Variants in TCERG1L observed in about 807,000 individuals in gnomAD.
TCERG1L encodes the protein transcription elongation regulator 1-like protein.
Under a neutral mutation model 56.3 loss-of-function variants are expected in TCERG1L, and 37 were observed. The ratio of observed to expected loss-of-function variants is 0.66; its 90% CI spans 0.51 to 0.87. TCERG1L has a LOEUF of 0.87. TCERG1L is among the 40% of genes least tolerant of loss of function. The pLI, the probability that TCERG1L is intolerant of heterozygous loss-of-function variation, is 0.00. For missense variants in TCERG1L, 799 were observed against 774.2 expected, an observed-to-expected ratio of 1.03 and a Z score of -0.38; for synonymous variants, 324 against 326.3, an observed-to-expected ratio of 0.99 and a Z score of 0.08.
intron 3 of TCERG1L, among the ~76,000 whole-genome samples, chr10:131,300,332 C>T (rs187330585): frequency 3.9e-5 from 6 of 152,234 alleles, no homozygotes; most frequent in African/African-American, 1.2e-4. Context: ...CTATCTTCTA[C>T]GTATTCTCTC....
chr10:131,258,827 T>TG lies in TCERG1L; in HGVS notation c.856+1431dup, dbSNP rs201054123. On this transcript the variant is annotated intron_variant, in intron 4 of 11. Transcript: ENST00000368642. The stretch of plus-strand genomic sequence containing the variant: ...AATTGTTATGTCACCTTATAAATCA[T>TG]GTCAGAGATATGGAAAGTGAAGCTG... Among the ~76,000 whole-genome samples the TG allele has an allele frequency of 5.8e-3, 889 of 152,332 alleles. 6 individuals are homozygous for TG. The highest frequency in any genetic ancestry group is 0.02 in the Middle Eastern group (6 of 294).
chr10:131,266,361 T>C (rs566178073), intron 3 of TCERG1L, among the ~76,000 whole-genome samples: 2 of 152,368 alleles, frequency 1.3e-5, no homozygotes, highest in South Asian at 2.1e-4. Flanking sequence ...CCTCTTCCTA[T>C]GAATTATGAA....
chr10:131,153,800 G>C (rs1470480733), intron 6 of TCERG1L, among the ~76,000 whole-genome samples: 1 of 152,154 alleles, frequency 6.6e-6, no homozygotes, highest in East Asian at 1.9e-4. Context: ...TTAGGACTTG[G>C]TAAGAGATTA....
chr10:131,102,640 T>C (rs1845315044), intron 10 of TCERG1L, among the ~76,000 whole-genome samples: 1 of 152,208 alleles, frequency 6.6e-6, no homozygotes, highest in Non-Finnish European at 1.5e-5. Context: ...CTGGCTCTTC[T>C]GTTTTCAGCG....
At chr10:131,161,145 C>T (rs1160387539) in intron 6 of TCERG1L, 1 of 152,178 alleles carries the variant, frequency 6.6e-6, no homozygotes, top group Non-Finnish European at 1.5e-5. Flanking sequence ...ATGGTGGTCC[C>T]GTCAGATTAT....
chr10:131,159,979 C>G (rs1387242091), intron 6 of TCERG1L, among the ~76,000 whole-genome samples: 1 of 152,166 alleles, frequency 6.6e-6, no homozygotes, highest in Non-Finnish European at 1.5e-5. Flanking sequence ...AACAGCTGCT[C>G]AAACAAGCCT....
intron 4 of TCERG1L, among the ~76,000 whole-genome samples, chr10:131,181,471 CTGAATGGG>C (rs1353351775): frequency 3.3e-5 from 5 of 152,262 alleles, no homozygotes; most frequent in African/African-American, 1.2e-4. Context: ...TCTCCATCAA[CTGAATGGG>C]AAAAGTAATA....
intron 4 of TCERG1L, among the ~76,000 whole-genome samples, chr10:131,227,406 C>A (rs905029088): frequency 9.8e-5 from 15 of 152,350 alleles, no homozygotes; most frequent in African/African-American, 3.6e-4. Context: ...CACACAGCAG[C>A]CTCAGGTCTG....
chr10:131,283,476 A>G (rs1030877447), intron 3 of TCERG1L, among the ~76,000 whole-genome samples: 2 of 152,236 alleles, frequency 1.3e-5, no homozygotes, highest in Non-Finnish European at 2.9e-5. Flanking sequence ...AGAGGAAATG[A>G]TAAGCTCAAA....
At chr10:131,133,067 T>C (rs1485314294) in intron 8 of TCERG1L, among the ~76,000 whole-genome samples, 1 of 152,218 alleles carries the variant, frequency 6.6e-6, no homozygotes, top group Non-Finnish European at 1.5e-5. Flanking sequence ...CTGCCTATTA[T>C]CGAACCACTC....
intron 3 of TCERG1L, among the ~76,000 whole-genome samples, chr10:131,263,089 G>C (rs1012777373): frequency 2.0e-5 from 3 of 152,142 alleles, no homozygotes; most frequent in Admixed American, 6.5e-5. Context: ...TGGTAAGAGT[G>C]TGTTTTGCTT....
chr10:131,308,131 G>A, intron 3 of TCERG1L, 80 bp downstream of exon 3: 1 of 1,276,568 alleles, frequency 7.8e-7, no homozygotes, highest in Non-Finnish European at 1.1e-6. Context: ...AAAATGATGA[G>A]TATGGTTTTC....
chr10:131,262,085 A>C (rs187029236), intron 3 of TCERG1L, among the ~76,000 whole-genome samples: 144 of 152,166 alleles, frequency 9.5e-4, no homozygotes, highest in African/African-American at 3.4e-3. Flanking sequence ...GGGTGAGGGG[A>C]CAGCCAGGCT....
intron 4 of TCERG1L, among the ~76,000 whole-genome samples, chr10:131,176,819 C>CAG (rs1846159485): frequency 3.4e-3 from 8 of 2,370 alleles, no homozygotes; most frequent in Admixed American, 0.02. Flanking sequence ...GACACATGCA[C>CAG]ACACAGACAC....
At chr10:131,259,144 T>A (rs531564562) in intron 4 of TCERG1L, among the ~76,000 whole-genome samples, 1 of 152,312 alleles carries the variant, frequency 6.6e-6, no homozygotes, top group African/African-American at 2.4e-5. Context: ...CGAAGGTCCA[T>A]TGTTGAAAAA....
intron 3 of TCERG1L, among the ~76,000 whole-genome samples, chr10:131,284,741 T>C (rs1347167002): frequency 6.6e-6 from 1 of 152,030 alleles, no homozygotes; most frequent in Non-Finnish European, 1.5e-5. Flanking sequence ...AAAAGATAAG[T>C]AGGTACAGAA....
At chr10:131,172,209 T>C (rs528525018) in intron 4 of TCERG1L, among the ~76,000 whole-genome samples, 1 of 152,166 alleles carries the variant, frequency 6.6e-6, no homozygotes, top group South Asian at 2.1e-4. Flanking sequence ...AACATGCGTC[T>C]TCTGGTTTCC....
intron 11 of TCERG1L, 105 bp from the exon 12 acceptor site, chr10:131,093,423 G>A (rs1257336834): frequency 4.8e-5 from 68 of 1,406,474 alleles, no homozygotes; most frequent in Non-Finnish European, 6.2e-5. Flanking sequence ...CCTTCCACCA[G>A]GCCTGGCCGT....
chr10:131,274,112 T>C (rs192885448), intron 3 of TCERG1L, among the ~76,000 whole-genome samples: 113 of 152,284 alleles, frequency 7.4e-4, no homozygotes, highest in African/African-American at 2.5e-3. Flanking sequence ...GTCCTTCCTT[T>C]TCCTGCTCTG....
Sources: gnomAD v4.1 joint callset for allele counts (sites outside exome capture counted in the v4.1 genomes callset) on GRCh38, gnomAD v4.1.1 for gene constraint, MANE v1.5 for transcripts, NCBI Gene and HGNC (gene_info 2026-07-23, HGNC 2026-07-21) for gene names.